The following MYH11 variants were observed in gnomAD, a reference collection of about 807,000 sequenced individuals.
MYH11 encodes myosin heavy chain 11.
A neutral mutation model predicts 246.6 loss-of-function variants in MYH11; 80 were observed. The observed-to-expected ratio is 0.32, with a 90% CI of 0.27 to 0.39. MYH11 has a LOEUF of 0.39. Among genes scored for constraint, MYH11 ranks in the 10% least tolerant of loss-of-function variants. The probability of loss-of-function intolerance (pLI) is 1.00; values close to 1 mark genes in which losing one functional copy is unlikely to be tolerated. For missense variants in MYH11, 2,158 were observed against 2,546.8 expected (o/e 0.85, Z 3.29); for synonymous variants, 1,071 against 1,015.5 (o/e 1.05, Z -1.04).
chr16:15,708,195 C>A (rs1054272164), intron 40 of MYH11, among the ~76,000 whole-genome samples: 1 of 152,156 alleles, frequency 6.6e-6, no homozygotes, highest in Non-Finnish European at 1.5e-5. Context: ...TCACTCAAGC[C>A]ACGTGCAGCC....
intron 3 of MYH11, among the ~76,000 whole-genome samples, chr16:15,800,180 G>A (rs543169649): frequency 2.6e-5 from 4 of 151,748 alleles, no homozygotes; most frequent in East Asian, 1.9e-4. Context: ...GGATGGGCAA[G>A]TGAGTGGAAG....
At chr16:15,830,092 G>A (rs965934905) in intron 2 of MYH11, among the ~76,000 whole-genome samples, 1 of 151,654 alleles carries the variant, frequency 6.6e-6, no homozygotes, top group African/African-American at 2.4e-5. Flanking sequence ...CTGAGATTGT[G>A]CCACTCCACT....
intron 27 of MYH11, among the ~76,000 whole-genome samples, chr16:15,728,776 T>C (rs553237665): frequency 2.0e-4 from 31 of 152,190 alleles, no homozygotes; most frequent in African/African-American, 7.0e-4. Context: ...GGCAGTCACC[T>C]GTAATCCCAG....
chr16:15,786,765 G>T, intron 4 of MYH11, 33 bp from the exon 5 acceptor site: 2 of 1,576,392 alleles, frequency 1.3e-6, no homozygotes, highest in East Asian at 2.2e-5. Context: ...CTATGCACAC[G>T]TTCCATGGTG....
intron 4 of MYH11, among the ~76,000 whole-genome samples, chr16:15,788,989 GA>G (rs749414367): frequency 9.2e-5 from 14 of 152,092 alleles, no homozygotes; most frequent in Non-Finnish European, 1.6e-4. Flanking sequence ...TTAAGACAGA[GA>G]AGAATTGGCG....
chr16:15,753,785 CCCT>C (rs1051117885), intron 14 of MYH11, among the ~76,000 whole-genome samples: 1 of 152,134 alleles, frequency 6.6e-6, no homozygotes, highest in Non-Finnish European at 1.5e-5. Flanking sequence ...GTGGTAGCCT[CCCT>C]CCTCCTAAGC....
At chr16:15,820,378 G>A (rs1357694858) in intron 3 of MYH11, among the ~76,000 whole-genome samples, 1 of 151,828 alleles carries the variant, frequency 6.6e-6, no homozygotes, top group Non-Finnish European at 1.5e-5. Flanking sequence ...GGAGGCTGAG[G>A]CAGTAGAATC....
chr16:15,787,621 C>A (rs1037427108), intron 4 of MYH11, among the ~76,000 whole-genome samples: 12 of 151,500 alleles, frequency 7.9e-5, no homozygotes, highest in Admixed American at 6.6e-5. Flanking sequence ...CTACAGGCAC[C>A]CACCAGCACA....
chr16:15,704,354 CG>C (rs1275820024), intron 40 of MYH11, among the ~76,000 whole-genome samples: 2 of 151,988 alleles, frequency 1.3e-5, no homozygotes, highest in African/African-American at 4.8e-5. Context: ...AAATTGGTTG[CG>C]GGGGTGGGTG....
At position 15,760,586 on chromosome 16, in the gene MYH11, A is replaced by T. The variant is rs773998062; in HGVS notation, c.1202T>A (p.Ile401Asn). The T allele has an allele frequency of 6.2e-7, 1 of 1,614,186 alleles. No homozygotes were observed. Among genetic ancestry groups the T allele is most frequent in the Non-Finnish European group, 8.5e-7 (1 of 1,180,018 alleles). Reference sequence around the variant, plus strand: ...CTGTACCACATCTCGCCCAACCTTGATACGAGGAGTGAGGATGGATCTGGT... The same window carrying T: ...CTGTACCACATCTCGCCCAACCTTGTTACGAGGAGTGAGGATGGATCTGGT... The part of the protein sequence containing the change: ...DFTRSILTPR[I>N]KVGRDVVQKA... Residue 401 changes from isoleucine to asparagine, a missense_variant, in exon 11 of 41, where the codon ATC becomes AAC. Ile to Asn is a moderately radical substitution (Grantham distance 149, BLOSUM62 -3). Transcript: ENST00000300036.
At chr16:15,756,657 C>A (rs894768249) in intron 13 of MYH11, 143 bp from the exon 14 acceptor site, 38 of 852,482 alleles carry the variant, frequency 4.5e-5, no homozygotes, top group Non-Finnish European at 6.1e-5. Context: ...GAGTTTATGA[C>A]CCCCATGCTT....
At chr16:15,774,366 C>CA (rs2042172542) in intron 8 of MYH11, among the ~76,000 whole-genome samples, 2 of 152,294 alleles carry the variant, frequency 1.3e-5, no homozygotes, top group African/African-American at 4.8e-5. Flanking sequence ...AGGCAAAGCA[C>CA]AAAACTGGAA....
chr16:15,791,107 C>T (rs1489169245), intron 4 of MYH11: 2 of 152,044 alleles, frequency 1.3e-5, no homozygotes, highest in African/African-American at 4.8e-5. Context: ...AGGTGCCCGC[C>T]ACTATGCCTG....
intron 4 of MYH11, among the ~76,000 whole-genome samples, chr16:15,789,553 C>T (rs1370225825): frequency 2.0e-5 from 3 of 150,728 alleles, no homozygotes; most frequent in Non-Finnish European, 4.4e-5. Context: ...GTTCTGCCTC[C>T]TACCCTTTTA....
intron 9 of MYH11, among the ~76,000 whole-genome samples, chr16:15,770,207 C>G (rs989742272): frequency 3.9e-5 from 6 of 152,220 alleles, no homozygotes; most frequent in Non-Finnish European, 7.3e-5. Context: ...CCAAGACCCA[C>G]ATACACCATC....
intron 5 of MYH11, chr16:15,782,994 C>A (rs1034834863): frequency 1.0e-4 from 17 of 164,948 alleles, no homozygotes; most frequent in African/African-American, 4.1e-4. Flanking sequence ...TCTTCTACAG[C>A]AGACAAGTAA....
chr16:15,811,485 A>G (rs1221956129), intron 3 of MYH11, among the ~76,000 whole-genome samples: 1 of 151,946 alleles, frequency 6.6e-6, no homozygotes, highest in African/African-American at 2.4e-5. Flanking sequence ...CCATTGATCA[A>G]ATGGGGAGGC....
rs369549763 is a variant in MYH11 at position 15,760,582 on chromosome 16, C to T, written c.1206G>A (p.Lys402=). 3.1e-6 allele frequency: 5 copies of T among 1,614,054 alleles called. No homozygotes were observed. The highest frequency in any genetic ancestry group is 4.2e-6 in the Non-Finnish European group (5 of 1,180,018). The change falls in exon 11 of 41, where the codon AAG becomes AAA. Residue 402 remains lysine (K), a synonymous_variant. Coordinates refer to ENST00000300036, the MANE Select transcript of MYH11 (RefSeq NM_002474.3). ...FTRSILTPRI[K]VGRDVVQKAQ... is the part of the protein sequence containing the mutation. ...CTTTCTGTACCACATCTCGCCCAAC[C>T]TTGATACGAGGAGTGAGGATGGATC...
intron 3 of MYH11, among the ~76,000 whole-genome samples, chr16:15,819,181 C>T (rs1187846661): frequency 6.6e-6 from 1 of 152,200 alleles, no homozygotes; most frequent in African/African-American, 2.4e-5. Flanking sequence ...TCATGATAGT[C>T]ATTTCCTATT....
Sources: allele counts gnomAD v4.1 joint callset (sites outside exome capture counted in the v4.1 genomes callset), GRCh38; gene constraint gnomAD v4.1.1; transcripts MANE v1.5; gene names NCBI Gene and HGNC (gene_info 2026-07-23, HGNC 2026-07-21).